ANKRD30B: variants seen among roughly 807,000 people sequenced by gnomAD.
ANKRD30B encodes the protein ankyrin repeat domain 30B.
A neutral mutation model predicts 202.2 loss-of-function variants in ANKRD30B; 144 were observed. The observed-to-expected ratio is 0.71, with a 90% CI of 0.62 to 0.82. The LOEUF (loss-of-function observed/expected upper bound fraction) is 0.82. Ranked by LOEUF, ANKRD30B falls within the 40% of genes least tolerant of loss-of-function variation. The pLI, the probability that ANKRD30B is intolerant of heterozygous loss-of-function variation, is 0.00. For missense variants in ANKRD30B, 1,487 were observed against 1,669.1 expected (o/e 0.89, Z 1.90); for synonymous variants, 508 against 561.3 (o/e 0.91, Z 1.34).
chr18:14,883,318 T>C, the ANKRD30B span, among the ~76,000 whole-genome samples: 1 of 9,970 alleles, frequency 1.0e-4, no homozygotes, highest in Non-Finnish European at 4.1e-3. Flanking sequence ...GGGGCCTAGG[T>C]GTCTCTCTCT....
chr18:14,763,869 CA>C lies in ANKRD30B; in HGVS notation c.1005del (p.Pro336LeufsTer5). On this transcript the variant is annotated frameshift_variant, in exon 7 of 44. Coordinates refer to ENST00000690538, the MANE Select transcript of ANKRD30B (RefSeq NM_001367607.2). LOFTEE classifies it high-confidence loss of function. ...SGKFEQSTEE[T>X]PRKILRPTKE... ...AAGTTTGAACAGTCAACAGAAGAAA[CA>C]CCTAGGAAAATTTTGAGGCCTACAA... 6.2e-7 allele frequency: 1 copy of C among 1,612,080 alleles called. No individual in the cohort carries two copies. The highest frequency in any genetic ancestry group is 8.5e-7 in the Non-Finnish European group (1 of 1,179,114).
At chr18:14,858,929 C>T (rs1343127168), downstream of ANKRD30B, among the ~76,000 whole-genome samples, 7 of 94,962 alleles carry the variant, frequency 7.4e-5, no homozygotes, top group South Asian at 6.3e-4. Context: ...TGGGCAGAGG[C>T]GCTCCTCACC....
At chr18:14,846,850 T>G (rs1485292358) in intron 39 of ANKRD30B, among the ~76,000 whole-genome samples, 1 of 151,704 alleles carries the variant, frequency 6.6e-6, no homozygotes, top group Non-Finnish European at 1.5e-5. Flanking sequence ...TACAGGTAGA[T>G]CTCACTTGTA....
chr18:14,786,845 G>A (rs1968114508), intron 14 of ANKRD30B, among the ~76,000 whole-genome samples, 194 bp from the exon 15 acceptor site: 1 of 152,270 alleles, frequency 6.6e-6, no homozygotes, highest in African/African-American at 2.4e-5. Context: ...ATGAAATAAT[G>A]TTAATTTTCA....
intron 15 of ANKRD30B, among the ~76,000 whole-genome samples, chr18:14,790,255 G>C (rs1330194722): frequency 6.6e-6 from 1 of 152,174 alleles, no homozygotes; most frequent in Non-Finnish European, 1.5e-5. Context: ...CTGAGATTTT[G>C]CTGAAGCTGC....
At chr18:14,897,726 G>A in the ANKRD30B span, among the ~76,000 whole-genome samples, 4 of 152,010 alleles carry the variant, frequency 2.6e-5, no homozygotes, top group African/African-American at 7.2e-5. Context: ...CCATCTCTGT[G>A]CCTATAGGTC....
chr18:14,861,373 G>A, the ANKRD30B span, among the ~76,000 whole-genome samples: 1 of 151,950 alleles, frequency 6.6e-6, no homozygotes, highest in Non-Finnish European at 1.5e-5. Context: ...GCCTTTGAGA[G>A]ACCCATCTCA....
chr18:14,868,242 G>A, the ANKRD30B span, among the ~76,000 whole-genome samples: 4 of 152,298 alleles, frequency 2.6e-5, no homozygotes, highest in Non-Finnish European at 4.4e-5. Flanking sequence ...CCTGGGATGT[G>A]TAAGAAGCTG....
In ANKRD30B at chr18:14,848,838, G is replaced by A. The variant is rs1732619920; in HGVS notation, c.3304G>A (p.Val1102Ile). Residue 1102 changes from valine to isoleucine, a missense_variant, in exon 40 of 44, where the codon GTA becomes ATA. Physicochemically the swap from Val to Ile is conservative, Grantham distance 29. This residue lies in a region of ANKRD30B where 177 missense variants were observed against 216.4 expected (regional missense o/e 0.82). Transcript: ENST00000690538. The part of the protein sequence containing the change: ...KMEQTKNKFC[V>I]LQKELSEAKE... Reference sequence around the variant, plus strand: ...GGAACAAACGAAAAATAAGTTTTGTGTACTACAAAAGGAACTGTCAGAAGC... The same window carrying A: ...GGAACAAACGAAAAATAAGTTTTGTATACTACAAAAGGAACTGTCAGAAGC... 3 of 1,593,346 alleles carry A rather than the reference G, an allele frequency of 1.9e-6. No individual in the cohort carries two copies. The highest frequency in any genetic ancestry group is 1.3e-5 in the African/African-American group (1 of 74,094).
chr18:14,850,663 T>G (rs1012136199), intron 41 of ANKRD30B, among the ~76,000 whole-genome samples: 7 of 151,848 alleles, frequency 4.6e-5, no homozygotes, highest in Non-Finnish European at 5.9e-5. Flanking sequence ...CAACATAGAT[T>G]AGTGTATTTT....
At chr18:14,921,911 T>C in the ANKRD30B span, among the ~76,000 whole-genome samples, 1 of 152,088 alleles carries the variant, frequency 6.6e-6, no homozygotes, top group Non-Finnish European at 1.5e-5. Flanking sequence ...AAAAGAAGCC[T>C]CCACCAATGG....
intron 18 of ANKRD30B, 130 bp downstream of exon 18, chr18:14,796,545 A>T: frequency 1.7e-6 from 2 of 1,175,744 alleles, no homozygotes; most frequent in South Asian, 3.4e-5. Context: ...AAATAATGCC[A>T]ATGTTAGCAT....
chr18:14,902,036 C>T, the ANKRD30B span, among the ~76,000 whole-genome samples: 1 of 152,168 alleles, frequency 6.6e-6, no homozygotes, highest in Non-Finnish European at 1.5e-5. Flanking sequence ...GCACTTCTTA[C>T]ATGGTGGCAC....
At position 14,782,569 on chromosome 18, in the gene ANKRD30B, G is replaced by C; in HGVS notation, c.1525G>C (p.Glu509Gln). The change falls in exon 12 of 44, where the codon GAG becomes CAG. Residue 509 changes from glutamate (E) to glutamine (Q), a missense_variant. Physicochemically the swap from Glu to Gln is conservative, Grantham distance 29. This residue lies in a region of ANKRD30B where 889 missense variants were observed against 841.4 expected (regional missense o/e 1.06). Transcript: ENST00000690538. ...TGCAAAGACTCAAGTGTGTATACCT[G>C]AGTCTATGTATCAGAAAGTAATGGA... ...SSAKTQVCIPESMYQKVMEIN... is the reference protein window; with the variant it reads ...SSAKTQVCIPQSMYQKVMEIN... 6.3e-7 allele frequency: 1 copy of C among 1,589,080 alleles called. No individual in the cohort carries two copies. Among genetic ancestry groups the C allele is most frequent in the Non-Finnish European group, 8.5e-7 (1 of 1,171,184 alleles).
chr18:14,789,732 T>G (rs1882846908), intron 15 of ANKRD30B, among the ~76,000 whole-genome samples: 1 of 152,196 alleles, frequency 6.6e-6, no homozygotes, highest in Non-Finnish European at 1.5e-5. Context: ...AGGGCTGTGT[T>G]CTGTTCCATT....
the ANKRD30B span, among the ~76,000 whole-genome samples, chr18:14,889,608 A>T: frequency 2.0e-5 from 3 of 150,780 alleles, no homozygotes; most frequent in Non-Finnish European, 3.0e-5. Flanking sequence ...ACATTTCAAG[A>T]TTTTTTCCCA....
At chr18:14,842,756 A>T in intron 37 of ANKRD30B, 141 bp from the exon 38 acceptor site, 1 of 753,124 alleles carries the variant, frequency 1.3e-6, no homozygotes, top group Non-Finnish European at 2.1e-6. Flanking sequence ...CTAAAGAAAC[A>T]TACCGAAAGA....
At chr18:14,791,068 A>T (rs1366732847) in intron 15 of ANKRD30B, among the ~76,000 whole-genome samples, 1 of 152,076 alleles carries the variant, frequency 6.6e-6, no homozygotes, top group African/African-American at 2.4e-5. Flanking sequence ...ACAATTTCAG[A>T]TCCTGTTATT....
chr18:14,865,182 A>G, the ANKRD30B span, among the ~76,000 whole-genome samples: 2 of 148,974 alleles, frequency 1.3e-5, no homozygotes, highest in African/African-American at 2.5e-5. Flanking sequence ...TTTTCTGCCT[A>G]TCGTCTTTTC....
Sources: allele counts gnomAD v4.1 joint callset (sites outside exome capture counted in the v4.1 genomes callset), GRCh38; gene constraint gnomAD v4.1.1; regional missense constraint gnomAD v4.1.1; transcripts MANE v1.5; gene names NCBI Gene and HGNC (gene_info 2026-07-23, HGNC 2026-07-21).